The following VPS13B variants were observed in gnomAD, a reference collection of about 807,000 sequenced individuals.
VPS13B encodes the protein intermembrane lipid transfer protein VPS13B.
Under a neutral mutation model 426.4 loss-of-function variants are expected in VPS13B, and 285 were observed. The ratio of observed to expected loss-of-function variants is 0.67; its 90% CI spans 0.61 to 0.74. The LOEUF is 0.74. Ranked by LOEUF, VPS13B falls within the 30% of genes least tolerant of loss-of-function variation. The pLI, the probability that VPS13B is intolerant of heterozygous loss-of-function variation, is 0.00. For missense variants in VPS13B, 4,537 were observed against 4,782.6 expected (o/e 0.95, Z 1.51); for synonymous variants, 1,676 against 1,676.4 (o/e 1.00, Z 0.01).
At chr8:99,107,988 A>G (rs1847135070) in intron 5 of VPS13B, among the ~76,000 whole-genome samples, 1 of 152,106 alleles carries the variant, frequency 6.6e-6, no homozygotes, top group Non-Finnish European at 1.5e-5. Context: ...TTTGATTCTT[A>G]CCTTGCTCCC....
chr8:99,556,296 T>C (rs992682561), intron 30 of VPS13B, among the ~76,000 whole-genome samples, 154 bp from the exon 31 acceptor site: 1 of 152,180 alleles, frequency 6.6e-6, no homozygotes, highest in East Asian at 1.9e-4. Flanking sequence ...ACTAACTTTC[T>C]GAAACCTTTT....
intron 19 of VPS13B, among the ~76,000 whole-genome samples, chr8:99,344,086 G>A (rs1301522821): frequency 6.6e-6 from 1 of 152,144 alleles, no homozygotes; most frequent in Admixed American, 6.5e-5. Context: ...TATCAAAACA[G>A]GATGATACTG....
chr8:99,066,596 G>T (rs1205397216), intron 3 of VPS13B, among the ~76,000 whole-genome samples: 1 of 152,162 alleles, frequency 6.6e-6, no homozygotes, highest in Non-Finnish European at 1.5e-5. Flanking sequence ...GCATGGGCAA[G>T]GACTTCATGT....
chr8:99,273,805 A>G (rs915855061), intron 17 of VPS13B, among the ~76,000 whole-genome samples: 1 of 152,174 alleles, frequency 6.6e-6, no homozygotes, highest in Admixed American at 6.5e-5. Flanking sequence ...AAAAAAATAA[A>G]AAATAAAAAA....
chr8:99,518,198 A>G (rs1563772591), intron 29 of VPS13B, among the ~76,000 whole-genome samples: 2 of 152,130 alleles, frequency 1.3e-5, no homozygotes, highest in Admixed American at 6.5e-5. Flanking sequence ...AGACTTTCAT[A>G]TGGTGAGTAG....
At chr8:99,677,070 C>T (rs574521353) in intron 35 of VPS13B, among the ~76,000 whole-genome samples, 3 of 152,222 alleles carry the variant, frequency 2.0e-5, no homozygotes, top group South Asian at 2.1e-4. Context: ...GAGCCGAGAT[C>T]GTGTCATTGC....
intron 21 of VPS13B, among the ~76,000 whole-genome samples, chr8:99,392,230 C>T (rs903642068): frequency 3.3e-5 from 5 of 152,038 alleles, no homozygotes; most frequent in African/African-American, 1.2e-4. Flanking sequence ...TCTTTCCTCC[C>T]CTTTCTCTCA....
chr8:99,338,352 T>C (rs1242122814), intron 19 of VPS13B, among the ~76,000 whole-genome samples: 1 of 152,138 alleles, frequency 6.6e-6, no homozygotes, highest in Non-Finnish European at 1.5e-5. Flanking sequence ...ATCATTTTTT[T>C]GGGTCTTTTT....
intron 2 of VPS13B, among the ~76,000 whole-genome samples, chr8:99,033,871 G>C (rs1348209202): frequency 2.0e-5 from 3 of 152,094 alleles, no homozygotes; most frequent in Non-Finnish European, 4.4e-5. Flanking sequence ...ACTCCAGCCT[G>C]GGTGACAGGG....
intron 37 of VPS13B, among the ~76,000 whole-genome samples, chr8:99,719,471 G>T (rs1040813965): frequency 2.6e-5 from 4 of 152,144 alleles, no homozygotes; most frequent in African/African-American, 9.7e-5. Flanking sequence ...CCAGAGAGCA[G>T]AACCTAAGGC....
intron 8 of VPS13B, among the ~76,000 whole-genome samples, chr8:99,125,709 A>G (rs1028347998): frequency 6.6e-6 from 1 of 152,180 alleles, no homozygotes; most frequent in African/African-American, 2.4e-5. Context: ...TATAGTGGGG[A>G]TAATTATGTA....
In VPS13B at chr8:99,701,126, A is replaced by C. The variant is rs553619210; in HGVS notation, c.6454+1194A>C. 1.1e-3 allele frequency among the ~76,000 whole-genome samples: 163 copies of C among 152,338 alleles called. 1 individual carries two copies. In the South Asian group the frequency reaches 0.015, roughly 14 times the overall value. On this transcript the variant is annotated intron_variant, in intron 36 of 61. Coordinates refer to ENST00000357162, the MANE Select transcript of VPS13B (RefSeq NM_152564.5). The stretch of plus-strand genomic sequence containing the variant: ...AACATAGATGATTTATTTCTTTCTC[A>C]CTAGAAATATTCGTGACCAAGCCAA...
chr8:99,118,692 T>C (rs1328654030), intron 7 of VPS13B, among the ~76,000 whole-genome samples: 1 of 152,228 alleles, frequency 6.6e-6, no homozygotes, highest in Non-Finnish European at 1.5e-5. Flanking sequence ...GTTTGGTATT[T>C]ATCTATGTTG....
At chr8:99,422,851 T>G (rs1421012605) in intron 21 of VPS13B, among the ~76,000 whole-genome samples, 1 of 152,204 alleles carries the variant, frequency 6.6e-6, no homozygotes, top group Non-Finnish European at 1.5e-5. Context: ...TTTACACTTC[T>G]ATAACTTTTT....
At chr8:99,636,887 G>A (rs35462366) in intron 33 of VPS13B, among the ~76,000 whole-genome samples, 5 of 152,022 alleles carry the variant, frequency 3.3e-5, no homozygotes, top group African/African-American at 1.2e-4. Flanking sequence ...ACAGAGGACC[G>A]AAGTAATGTA....
chr8:99,126,401 G>T (rs1674992463), intron 8 of VPS13B, among the ~76,000 whole-genome samples: 1 of 152,158 alleles, frequency 6.6e-6, no homozygotes, highest in South Asian at 2.1e-4. Flanking sequence ...TCATGAATTT[G>T]AAGATATACC....
chr8:99,667,307 T>C (rs1295653386), intron 35 of VPS13B, among the ~76,000 whole-genome samples: 6 of 152,190 alleles, frequency 3.9e-5, no homozygotes, highest in Admixed American at 6.5e-5. Flanking sequence ...ACATGACTTA[T>C]CATATATGAT....
intron 19 of VPS13B, among the ~76,000 whole-genome samples, chr8:99,339,608 G>GT (rs113242640): frequency 0.01 from 1,475 of 143,384 alleles, 9 homozygotes; most frequent in African/African-American, 0.024. Context: ...AACCACGTCA[G>GT]TTTTTTTTTT....
chr8:99,670,874 G>T (rs2510201), intron 35 of VPS13B, among the ~76,000 whole-genome samples: 1 of 151,936 alleles, frequency 6.6e-6, no homozygotes, highest in South Asian at 2.1e-4. Context: ...TTCATCCTCT[G>T]TTCATCCACT....
Sources: gnomAD v4.1 joint callset for allele counts (sites outside exome capture counted in the v4.1 genomes callset) on GRCh38, gnomAD v4.1.1 for gene constraint, MANE v1.5 for transcripts, NCBI Gene and HGNC (gene_info 2026-07-23, HGNC 2026-07-21) for gene names.